Variants in TLE1 observed in about 807,000 individuals in gnomAD.
TLE1 encodes the protein transducin-like enhancer protein 1.
TLE1 carries 21 observed loss-of-function variants against 89.8 expected under a neutral mutation model. That is an observed-to-expected ratio of 0.23 (90% CI 0.17 to 0.34). The LOEUF (loss-of-function observed/expected upper bound fraction) is 0.34, where lower values mean the gene tolerates loss of function less well. TLE1 is among the 10% of genes least tolerant of loss of function. TLE1 has a pLI of 1.00. For synonymous variants in TLE1, 447 were observed against 407.6 expected (o/e 1.10, Z -1.16); for missense variants, 795 against 1,031.2 (o/e 0.77, Z 3.14).
chr9:81,677,279 A>G (rs1833015128), intron 4 of TLE1, among the ~76,000 whole-genome samples: 1 of 150,790 alleles, frequency 6.6e-6, no homozygotes, highest in Non-Finnish European at 1.5e-5. Flanking sequence ...AAAGTAAACA[A>G]CTCAGGCCGG....
intron 14 of TLE1, among the ~76,000 whole-genome samples, chr9:81,607,990 G>A (rs815846): frequency 0.33 from 50,435 of 152,086 alleles, 8,879 homozygotes; most frequent in Admixed American, 0.39. Flanking sequence ...AATGGGAATC[G>A]GCTTTCCTAA....
intron 4 of TLE1, among the ~76,000 whole-genome samples, chr9:81,680,334 G>C (rs1480024766): frequency 6.6e-6 from 1 of 152,190 alleles, no homozygotes; most frequent in African/African-American, 2.4e-5. Context: ...AAGAGGGGGA[G>C]GCAAGGGAGG....
intron 14 of TLE1, among the ~76,000 whole-genome samples, chr9:81,595,343 G>T (rs1164571151): frequency 6.6e-6 from 1 of 152,168 alleles, no homozygotes; most frequent in Non-Finnish European, 1.5e-5. Flanking sequence ...GACTGCCACA[G>T]AACTATGGGA....
At chr9:81,633,322 T>TGTGTGTGTGC in intron 8 of TLE1, 26 bp downstream of exon 8, 1 of 1,580,758 alleles carries the variant, frequency 6.3e-7, no homozygotes. Flanking sequence ...TGTGTGTGTG[T>TGTGTGTGTGC]GTGCAGCAGG....
At chr9:81,676,591 G>C (rs1179758325) in intron 4 of TLE1, among the ~76,000 whole-genome samples, 4 of 152,358 alleles carry the variant, frequency 2.6e-5, no homozygotes, top group South Asian at 4.1e-4. Flanking sequence ...GAAAGAAGCA[G>C]TGGCCAAGAC....
At position 81,611,277 on chromosome 9, in the gene TLE1, C is replaced by T. The variant is rs570486090; in HGVS notation, c.1254+492G>A. Among the ~76,000 whole-genome samples, 9 of 152,224 alleles carry T rather than the reference C, an allele frequency of 5.9e-5. 1 individual carries two copies. The highest frequency in any genetic ancestry group is 5.8e-4 in the East Asian group (3 of 5,164). ...CAGAATTCTACCTGTTTACAGAGAC[C>T]ACTGCTTATATATAAGTCATGCTAT... On this transcript the variant is annotated intron_variant, in intron 13 of 19. Coordinates refer to ENST00000376499, the MANE Select transcript of TLE1 (RefSeq NM_005077.5).
At chr9:81,673,057 G>A (rs867287685) in intron 4 of TLE1, among the ~76,000 whole-genome samples, 1 of 152,062 alleles carries the variant, frequency 6.6e-6, no homozygotes, top group Non-Finnish European at 1.5e-5. Flanking sequence ...CAGATTACTT[G>A]AGGTCAGGAG....
chr9:81,607,166 G>A (rs765390633), intron 14 of TLE1, among the ~76,000 whole-genome samples: 5 of 151,970 alleles, frequency 3.3e-5, no homozygotes, highest in East Asian at 1.9e-4. Context: ...AAAGTACCCC[G>A]ACATAGTATC....
At chr9:81,589,869 G>A (rs1295591786) in intron 16 of TLE1, among the ~76,000 whole-genome samples, 4 of 152,166 alleles carry the variant, frequency 2.6e-5, no homozygotes, top group Non-Finnish European at 5.9e-5. Context: ...AAACAGAAGA[G>A]GAAAGTAACT....
At chr9:81,668,308 T>G (rs1424066934) in intron 4 of TLE1, among the ~76,000 whole-genome samples, 2 of 152,146 alleles carry the variant, frequency 1.3e-5, no homozygotes, top group Non-Finnish European at 2.9e-5. Context: ...CTCAAAAGCA[T>G]TTTAGTCACG....
intron 14 of TLE1, among the ~76,000 whole-genome samples, chr9:81,602,735 G>A (rs147224517): frequency 1.1e-3 from 166 of 152,260 alleles, no homozygotes; most frequent in Middle Eastern, 3.4e-3. Context: ...AGAATACACT[G>A]ACAGCAATCT....
intron 8 of TLE1, among the ~76,000 whole-genome samples, chr9:81,624,766 T>A (rs1430400429): frequency 6.6e-6 from 1 of 152,176 alleles, no homozygotes; most frequent in East Asian, 1.9e-4. Context: ...ATGTAAGTTT[T>A]CATTTAAAAT....
chr9:81,627,235 C>A (rs1026979255), intron 8 of TLE1, among the ~76,000 whole-genome samples: 5 of 151,912 alleles, frequency 3.3e-5, no homozygotes, highest in African/African-American at 9.7e-5. Context: ...AAGAAAAAAA[C>A]CTGCTCACAA....
At chr9:81,682,196 G>A (rs1002355511) in intron 4 of TLE1, among the ~76,000 whole-genome samples, 2 of 151,518 alleles carry the variant, frequency 1.3e-5, no homozygotes, top group African/African-American at 4.8e-5. Flanking sequence ...AAAGGCTGCA[G>A]TAAGCAGAGA....
chr9:81,641,230 TA>T (rs963153920), intron 6 of TLE1, among the ~76,000 whole-genome samples: 2 of 25,832 alleles, frequency 7.7e-5, no homozygotes, highest in Non-Finnish European at 1.7e-4. Context: ...TAAATAAAAA[TA>T]AAGAAGAAAA....
At chr9:81,614,758 C>G (rs1037114105) in intron 11 of TLE1, among the ~76,000 whole-genome samples, 1 of 152,032 alleles carries the variant, frequency 6.6e-6, no homozygotes, top group Non-Finnish European at 1.5e-5. Flanking sequence ...TGCACCAGTT[C>G]CTGGCTTCCC....
chr9:81,612,029 C>T, intron 12 of TLE1, 70 bp from the exon 13 acceptor site: 4 of 1,242,076 alleles, frequency 3.2e-6, no homozygotes, highest in Non-Finnish European at 4.2e-6. Context: ...CAAGTCTGGC[C>T]TCATCATTTG....
At chr9:81,677,893 G>C (rs911987374) in intron 4 of TLE1, among the ~76,000 whole-genome samples, 2 of 152,204 alleles carry the variant, frequency 1.3e-5, no homozygotes, top group African/African-American at 4.8e-5. Context: ...CCAGCGTACA[G>C]TGGTGTATAT....
intron 4 of TLE1, among the ~76,000 whole-genome samples, chr9:81,657,589 T>C (rs915437654): frequency 1.3e-5 from 2 of 151,964 alleles, no homozygotes; most frequent in African/African-American, 4.8e-5. Context: ...AAACCTTTAA[T>C]AATATTAAAG....
Sources: allele counts gnomAD v4.1 joint callset (sites outside exome capture counted in the v4.1 genomes callset), GRCh38; gene constraint gnomAD v4.1.1; transcripts MANE v1.5; gene names NCBI Gene and HGNC (gene_info 2026-07-23, HGNC 2026-07-21).